Variants in VPS8 observed in about 807,000 individuals in gnomAD.
VPS8 encodes VPS8 subunit of CORVET complex.
Under a neutral mutation model 216.4 loss-of-function variants are expected in VPS8, and 129 were observed. That is an observed-to-expected ratio of 0.60 (90% CI 0.52 to 0.69). The LOEUF (loss-of-function observed/expected upper bound fraction) is 0.69. Ranked by LOEUF, VPS8 falls within the 30% of genes least tolerant of loss-of-function variation. The probability of loss-of-function intolerance (pLI) is 0.00; values close to 1 mark genes in which losing one functional copy is unlikely to be tolerated. For synonymous variants in VPS8, 571 were observed against 565.4 expected, an observed-to-expected ratio of 1.01 and a Z score of -0.14; for missense variants, 1,531 against 1,683.5, an observed-to-expected ratio of 0.91 and a Z score of 1.59.
chr3:184,885,793 TC>T (rs1350782534), intron 21 of VPS8, among the ~76,000 whole-genome samples: 1 of 152,226 alleles, frequency 6.6e-6, no homozygotes, highest in Non-Finnish European at 1.5e-5. Flanking sequence ...AATTCATATT[TC>T]TTTTTTTTTC....
intron 40 of VPS8, 165 bp from the exon 41 acceptor site, chr3:184,982,401 T>G (rs1303119862): frequency 3.7e-6 from 2 of 547,928 alleles, no homozygotes; most frequent in Non-Finnish European, 6.4e-6. Flanking sequence ...TTTTTTTTTT[T>G]GCCCCAAATA....
At chr3:184,956,897 T>G (rs185868060) in intron 36 of VPS8, among the ~76,000 whole-genome samples, 2 of 152,332 alleles carry the variant, frequency 1.3e-5, no homozygotes, top group Admixed American at 6.5e-5. Flanking sequence ...AGAAGATACC[T>G]GGTACCTACC....
chr3:184,957,916 GGTGCCTTCTCC>G (rs1278609076), intron 37 of VPS8, among the ~76,000 whole-genome samples: 2 of 152,170 alleles, frequency 1.3e-5, no homozygotes, highest in Admixed American at 1.3e-4. Context: ...CGTGCCTGCT[GGTGCCTTCTCC>G]GGGCCAATAA....
At chr3:184,930,030 C>G (rs1277140298) in intron 33 of VPS8, among the ~76,000 whole-genome samples, 1 of 152,012 alleles carries the variant, frequency 6.6e-6, no homozygotes, top group Non-Finnish European at 1.5e-5. Context: ...AAGAGTGTTC[C>G]AGGATGGGTA....
intron 46 of VPS8, among the ~76,000 whole-genome samples, chr3:185,034,544 TTGGATG>T (rs1758605619): frequency 6.6e-6 from 1 of 152,222 alleles, no homozygotes; most frequent in African/African-American, 2.4e-5. Context: ...TAGGTCTTTG[TTGGATG>T]CATAGTTTGA....
At chr3:184,854,536 A>G (rs1724886422) in intron 13 of VPS8, among the ~76,000 whole-genome samples, 1 of 152,150 alleles carries the variant, frequency 6.6e-6, no homozygotes. Flanking sequence ...TCCTAGCTTC[A>G]TTCGTTGCCC....
At chr3:184,872,457 T>C (rs1728513622) in intron 21 of VPS8, among the ~76,000 whole-genome samples, 1 of 152,110 alleles carries the variant, frequency 6.6e-6, no homozygotes, top group African/African-American at 2.4e-5. Context: ...TGGTGGTTTC[T>C]GATGCTGACT....
chr3:184,863,686 G>T (rs1254986464), intron 16 of VPS8, among the ~76,000 whole-genome samples: 1 of 152,164 alleles, frequency 6.6e-6, no homozygotes, highest in African/African-American at 2.4e-5. Context: ...AATTTCCACA[G>T]ATAGTTTATA....
At chr3:184,848,319 A>G (rs1723530655) in intron 8 of VPS8, among the ~76,000 whole-genome samples, 1 of 152,164 alleles carries the variant, frequency 6.6e-6, no homozygotes, top group African/African-American at 2.4e-5. Flanking sequence ...TTCTTTATGG[A>G]TAATATAAAT....
At chr3:184,954,687 A>G (rs1364601436) in intron 36 of VPS8, among the ~76,000 whole-genome samples, 3 of 152,182 alleles carry the variant, frequency 2.0e-5, no homozygotes, top group Non-Finnish European at 4.4e-5. Context: ...CTCTGACTTT[A>G]TAGCCCTAGT....
chr3:184,923,786 G>T (rs1346555160), intron 29 of VPS8, among the ~76,000 whole-genome samples: 2 of 152,070 alleles, frequency 1.3e-5, no homozygotes, highest in Non-Finnish European at 2.9e-5. Flanking sequence ...TCTTCTCTTT[G>T]CCAGGTTTGC....
chr3:184,978,334 T>C (rs1749639986), intron 40 of VPS8, among the ~76,000 whole-genome samples: 1 of 152,098 alleles, frequency 6.6e-6, no homozygotes, highest in African/African-American at 2.4e-5. Flanking sequence ...TCCTTTTCCC[T>C]CCTTCCGTCA....
intron 42 of VPS8, among the ~76,000 whole-genome samples, chr3:184,985,733 T>A (rs1189592921): frequency 6.6e-6 from 1 of 152,224 alleles, no homozygotes; most frequent in East Asian, 1.9e-4. Context: ...AAAAGATCTA[T>A]AAGTCTCTCG....
At chr3:185,001,357 GA>G (rs1396317289) in intron 45 of VPS8, among the ~76,000 whole-genome samples, 1 of 152,128 alleles carries the variant, frequency 6.6e-6, no homozygotes, top group Non-Finnish European at 1.5e-5. Flanking sequence ...GACCCCCTCT[GA>G]GGTTCCATAA....
At chr3:184,981,961 GTT>G (rs11288170) in intron 40 of VPS8, among the ~76,000 whole-genome samples, 16 of 151,428 alleles carry the variant, frequency 1.1e-4, no homozygotes, top group Middle Eastern at 3.2e-3. Context: ...ATAAATGATA[GTT>G]TTTTTTTTAA....
At chr3:184,903,231 T>C (rs1337029662) in intron 25 of VPS8, among the ~76,000 whole-genome samples, 1 of 152,196 alleles carries the variant, frequency 6.6e-6, no homozygotes, top group Non-Finnish European at 1.5e-5. Context: ...AGTCCTACAA[T>C]ATTGTTTTTC....
chr3:185,045,648 A>G (rs1712700423), intron 46 of VPS8, among the ~76,000 whole-genome samples: 3 of 152,058 alleles, frequency 2.0e-5, no homozygotes, highest in African/African-American at 4.8e-5. Flanking sequence ...GTACATGCCT[A>G]TAATCTCTCC....
intron 19 of VPS8, among the ~76,000 whole-genome samples, 195 bp downstream of exon 19, chr3:184,869,231 A>G (rs1727909027): frequency 6.6e-6 from 1 of 152,224 alleles, no homozygotes; most frequent in East Asian, 1.9e-4. Context: ...TATAGAAATT[A>G]AAATGTCGCT....
At chr3:185,036,123 A>G (rs186516307) in intron 46 of VPS8, among the ~76,000 whole-genome samples, 83 of 152,314 alleles carry the variant, frequency 5.4e-4, no homozygotes, top group African/African-American at 1.9e-3. Flanking sequence ...TGACACAAAT[A>G]CATGGAAAAA....
Sources: allele counts gnomAD v4.1 joint callset (sites outside exome capture counted in the v4.1 genomes callset), GRCh38; gene constraint gnomAD v4.1.1; transcripts MANE v1.5; gene names NCBI Gene and HGNC (gene_info 2026-07-23, HGNC 2026-07-21).